NEURL3: variants seen among roughly 807,000 people sequenced by gnomAD.
NEURL3 encodes E3 ubiquitin-protein ligase NEURL3.
Under a neutral mutation model 17.6 loss-of-function variants are expected in NEURL3, and 19 were observed. The observed-to-expected ratio is 1.08, with a 90% CI of 0.75 to 1.58. NEURL3 has a LOEUF of 1.58. Ranked by LOEUF, NEURL3 falls within the 40% of genes most tolerant of loss-of-function variation. The pLI is 0.00. For synonymous variants in NEURL3, 180 were observed against 161.4 expected, an observed-to-expected ratio of 1.11 and a Z score of -0.87; for missense variants, 342 against 379.6, an observed-to-expected ratio of 0.90 and a Z score of 0.82.
In NEURL3 at chr2:96,500,914, C is replaced by A. The variant is rs756825819; in HGVS notation, c.39G>T (p.Ala13=). 100 of 1,561,568 alleles carry A rather than the reference C, an allele frequency of 6.4e-5. No homozygotes were observed. Among genetic ancestry groups the A allele is most frequent in the Non-Finnish European group, 7.8e-5 (91 of 1,163,278 alleles). The change falls in exon 2 of 4, where the codon GCG becomes GCT. Residue 13 remains alanine (A), a synonymous_variant. Coordinates refer to ENST00000451794, the MANE Select transcript of NEURL3 (RefSeq NM_001285485.2). ...CATGGAAGCGAAGTGCCTCTCGGGG[C>A]GCCTTGGCGTCTGTGGGTTGAGGAT... ...AQLCFEANAK[A]PREALRFHAE... is the part of the protein sequence containing the mutation.
chr2:96,498,045 T>G lies in NEURL3; in HGVS notation c.*199A>C. The G allele has an allele frequency of 1.6e-5, 9 of 554,154 alleles. No individual in the cohort carries two copies. Among genetic ancestry groups the G allele is most frequent in the South Asian group, 2.6e-5 (1 of 38,694 alleles). The allele number at this position is 554,154 out of a possible 1,614,324, so 34.3% of individuals were successfully genotyped here. A position where few individuals can be genotyped will look rare whatever the true frequency, so the allele number is the denominator to read the frequency against. ...GTTCTGGCATGGACAGAAAGAGGGG[T>G]TTTTCCTTGCTATCCTGTTGGGGAA... On this transcript the variant is annotated 3_prime_UTR_variant, in exon 4 of 4. Coordinates refer to ENST00000451794, the MANE Select transcript of NEURL3 (RefSeq NM_001285485.2). The surrounding 1 kb of genome is among the most constrained non-coding windows in gnomAD (Gnocchi z 4.4).
At position 96,498,080 on chromosome 2, in the gene NEURL3, G is replaced by A. The variant is rs2065460836; in HGVS notation, c.*164C>T. The stretch of plus-strand genomic sequence containing the variant: ...CTATCCTGTTGGGGAACAGGTGGAG[G>A]CAGCAGACAGCACCTCCCTGCCTTC... On this transcript the variant is annotated 3_prime_UTR_variant, in exon 4 of 4. Coordinates refer to ENST00000451794, the MANE Select transcript of NEURL3 (RefSeq NM_001285485.2). This position sits in a 1 kb window ranked among gnomAD's most constrained non-coding sequence, Gnocchi z 4.4. 2 of 666,480 alleles carry A rather than the reference G, an allele frequency of 3.0e-6. No homozygotes were observed. The highest frequency in any genetic ancestry group is 5.0e-6 in the Non-Finnish European group (2 of 401,316). 41.3% of individuals were successfully genotyped at this position (666,480 alleles called of 1,614,324 possible). A position where few individuals can be genotyped will look rare whatever the true frequency, so the allele number is the denominator to read the frequency against.
At chr2:96,506,743 G>T (rs2065563995), upstream of NEURL3, among the ~76,000 whole-genome samples, 1 of 152,248 alleles carries the variant, frequency 6.6e-6, no homozygotes, top group African/African-American at 2.4e-5. Context: ...CTCATGAGAG[G>T]TATGTATGGC....
At chr2:96,507,259 G>A (rs1267320658), upstream of NEURL3, among the ~76,000 whole-genome samples, 1 of 152,080 alleles carries the variant, frequency 6.6e-6, no homozygotes, top group African/African-American at 2.4e-5. Context: ...TGAAACCAAC[G>A]CATAAAAATA....
chr2:96,500,390 G>T, intron 2 of NEURL3, 49 bp downstream of exon 2: 1 of 1,592,250 alleles, frequency 6.3e-7, no homozygotes, highest in Non-Finnish European at 8.5e-7. Flanking sequence ...GGTGCCACTG[G>T]AGCCCCCATC....
At chr2:96,501,072 G>T in intron 1 of NEURL3, 148 bp from the exon 2 acceptor site, 1 of 982,326 alleles carries the variant, frequency 1.0e-6, no homozygotes, top group Non-Finnish European at 1.4e-6. Flanking sequence ...GGTTCCTGCA[G>T]GGTTGTTATG....
chr2:96,498,169 T>G lies in NEURL3; in HGVS notation c.*75A>C. 1 of 1,368,866 alleles carries G rather than the reference T, an allele frequency of 7.3e-7. No homozygotes were observed. The highest frequency in any genetic ancestry group is 9.7e-7 in the Non-Finnish European group (1 of 1,031,916). 84.8% of individuals were successfully genotyped at this position (1,368,866 alleles called of 1,614,324 possible). ...CTCTTCCCCAGAAAGAAGGTAGGGC[T>G]GCGCCTCCTTCCTCTCTGCAGGGGC... On this transcript the variant is annotated 3_prime_UTR_variant, in exon 4 of 4. Coordinates refer to ENST00000451794, the MANE Select transcript of NEURL3 (RefSeq NM_001285485.2). This position sits in a 1 kb window ranked among gnomAD's most constrained non-coding sequence, Gnocchi z 4.4.
chr2:96,498,142 G>T lies in NEURL3; in HGVS notation c.*102C>A. The T allele has an allele frequency of 8.0e-7, 1 of 1,249,274 alleles. No homozygotes were observed. The highest frequency in any genetic ancestry group is 1.1e-6 in the Non-Finnish European group (1 of 929,258). The allele number at this position is 1,249,274 out of a possible 1,614,324, so 77.4% of individuals were successfully genotyped here. A position where few individuals can be genotyped will look rare whatever the true frequency, so the allele number is the denominator to read the frequency against. On this transcript the variant is annotated 3_prime_UTR_variant, in exon 4 of 4. Transcript: ENST00000451794. The surrounding 1 kb of genome is among the most constrained non-coding windows in gnomAD (Gnocchi z 4.4). The stretch of plus-strand genomic sequence containing the variant: ...GCACCTCTTGCTAATCAGCCTTTCT[G>T]ACTCTTCCCCAGAAAGAAGGTAGGG...
At chr2:96,507,595 G>A (rs115700792), upstream of NEURL3, among the ~76,000 whole-genome samples, 4,033 of 152,254 alleles carry the variant, frequency 0.026, 192 homozygotes, top group African/African-American at 0.092. Context: ...CTCCCAAGTA[G>A]CTGGGACTGT....
At chr2:96,507,396 C>T (rs1417846561), upstream of NEURL3, among the ~76,000 whole-genome samples, 2 of 152,198 alleles carry the variant, frequency 1.3e-5, no homozygotes, top group East Asian at 3.8e-4. Flanking sequence ...AGCCATGAAC[C>T]GAGCAATGGG....
intron 1 of NEURL3, among the ~76,000 whole-genome samples, chr2:96,503,155 G>A (rs2065526257): frequency 6.6e-6 from 1 of 152,204 alleles, no homozygotes; most frequent in Non-Finnish European, 1.5e-5. Context: ...TTCCTGGAGG[G>A]AGTAGGGAAC....
chr2:96,500,966 G>A, intron 1 of NEURL3, 42 bp from the exon 2 acceptor site: 1 of 1,477,818 alleles, frequency 6.8e-7, no homozygotes, highest in Non-Finnish European at 8.9e-7. Context: ...AACCGGGTCT[G>A]GACCCACCAG....
In NEURL3 at chr2:96,498,310, G is replaced by T. The variant is rs1294573857; in HGVS notation, c.723C>A (p.Arg241=). 3.8e-6 allele frequency: 6 copies of T among 1,596,496 alleles called. No individual in the cohort carries two copies. The highest frequency in any genetic ancestry group is 5.1e-6 in the Non-Finnish European group (6 of 1,178,718). The change falls in exon 4 of 4, where the codon CGC becomes CGA. Residue 241 remains arginine, a synonymous_variant. Transcript: ENST00000451794. This position sits in a 1 kb window ranked among gnomAD's most constrained non-coding sequence, Gnocchi z 4.4. The stretch of plus-strand genomic sequence containing the variant: ...CAGGGGCTACCGCCTCTATCTGCCA[G>T]CGGCACACAGGGCACTTGGCCGTAT... ...FSDTAKCPVC[R]WQIEAVAPAQ...
chr2:96,506,962 C>G (rs2065565699), upstream of NEURL3, among the ~76,000 whole-genome samples: 1 of 152,178 alleles, frequency 6.6e-6, no homozygotes, highest in South Asian at 2.1e-4. Context: ...TACAGGCATA[C>G]CCGCCACACA....
At chr2:96,502,933 G>A (rs1322716328) in intron 1 of NEURL3, among the ~76,000 whole-genome samples, 1 of 152,238 alleles carries the variant, frequency 6.6e-6, no homozygotes, top group African/African-American at 2.4e-5. Context: ...AGAGAAAGGG[G>A]AACCCCTGGG....
In NEURL3 at chr2:96,500,827, G is replaced by A; in HGVS notation, c.126C>T (p.Thr42=). 2 of 1,529,854 alleles carry A rather than the reference G, an allele frequency of 1.3e-6. No individual in the cohort carries two copies. The highest frequency in any genetic ancestry group is 1.7e-6 in the Non-Finnish European group (2 of 1,144,012). The allele number at this position is 1,529,854 out of a possible 1,614,324, so 94.8% of individuals were successfully genotyped here. The change falls in exon 2 of 4, where the codon ACC becomes ACT. Residue 42 remains threonine (T), a synonymous_variant. Transcript: ENST00000451794. ...TGAACACGATGCCGTCGTGGAACGT[G>A]GTGCGCCTGTGCGCGATGCAGCCAC... is the stretch of plus-strand genomic sequence containing the variant. ...DTRGCIAHRR[T]TFHDGIVFSQ...
chr2:96,500,016 C>G (rs1268385553), intron 2 of NEURL3: 8 of 205,078 alleles, frequency 3.9e-5, no homozygotes, highest in Non-Finnish European at 6.8e-5. Context: ...TCTTTTCCCC[C>G]CCACTGACTG....
Position 96,505,240 on chromosome 2 carries a change from T to C in NEURL3, c.28+19A>G. 1 of 1,599,096 alleles carries C rather than the reference T, an allele frequency of 6.3e-7. No homozygotes were observed. The highest frequency in any genetic ancestry group is 1.1e-5 in the South Asian group (1 of 91,078). On this transcript the variant is annotated intron_variant, in intron 1 of 3. Coordinates refer to ENST00000451794, the MANE Select transcript of NEURL3 (RefSeq NM_001285485.2). ...CCAGTCCAGAGACCAAGCTCCAGGCTTGCAGGAGGTCTACTTACTGGCCTC... is the reference window on the plus strand; with the variant it reads ...CCAGTCCAGAGACCAAGCTCCAGGCCTGCAGGAGGTCTACTTACTGGCCTC...
chr2:96,504,315 G>C (rs1034558339), intron 1 of NEURL3, among the ~76,000 whole-genome samples: 1 of 152,208 alleles, frequency 6.6e-6, no homozygotes, highest in African/African-American at 2.4e-5. Context: ...GGCTGTGCTA[G>C]TCATCTGTGT....
Sources: allele counts gnomAD v4.1 joint callset (sites outside exome capture counted in the v4.1 genomes callset), GRCh38; gene constraint gnomAD v4.1.1; non-coding constraint Gnocchi (gnomAD v3.1); transcripts MANE v1.5; gene names NCBI Gene and HGNC (gene_info 2026-07-23, HGNC 2026-07-21).